Variants in C1QTNF3 observed in about 807,000 individuals in gnomAD.
C1QTNF3 encodes the protein complement C1q tumor necrosis factor-related protein 3.
In C1QTNF3, 26 loss-of-function variants were observed where a neutral mutation model predicts 32.6. The ratio of observed to expected loss-of-function variants is 0.80; its 90% CI spans 0.58 to 1.11. C1QTNF3 has a LOEUF of 1.11. Among genes scored for constraint, C1QTNF3 ranks in the 50% least tolerant of loss-of-function variants. The pLI is 0.00. For missense variants in C1QTNF3, 362 were observed against 398.2 expected (o/e 0.91, Z 0.77); for synonymous variants, 155 against 146.0 (o/e 1.06, Z -0.44).
chr5:34,220,442 A>C, the C1QTNF3 span, among the ~76,000 whole-genome samples: 2 of 151,856 alleles, frequency 1.3e-5, no homozygotes, highest in Middle Eastern at 3.4e-3. Context: ...AAGTCTTCCA[A>C]GTCTCTTCAT....
At chr5:34,223,740 T>C in the C1QTNF3 span, among the ~76,000 whole-genome samples, 1 of 152,070 alleles carries the variant, frequency 6.6e-6, no homozygotes, top group Non-Finnish European at 1.5e-5. Flanking sequence ...TATCTCATTG[T>C]GGTTTTGATT....
the C1QTNF3 span, among the ~76,000 whole-genome samples, chr5:34,111,228 AGCAGCAGGGTTATCTCCT>A: frequency 6.6e-6 from 1 of 151,946 alleles, no homozygotes; most frequent in Non-Finnish European, 1.5e-5. Flanking sequence ...AAATCTTTTG[AGCAGCAGGGTTATCTCCT>A]ACTGTGTAGG....
chr5:34,173,360 C>A, the C1QTNF3 span, among the ~76,000 whole-genome samples: 3 of 149,042 alleles, frequency 2.0e-5, no homozygotes, highest in Non-Finnish European at 3.0e-5. Flanking sequence ...ACTGAAATTA[C>A]AAATATACTA....
chr5:34,177,337 A>G, the C1QTNF3 span, among the ~76,000 whole-genome samples: 1 of 152,132 alleles, frequency 6.6e-6, no homozygotes, highest in Non-Finnish European at 1.5e-5. Flanking sequence ...TTTTGAAACA[A>G]GGTCTCACTC....
chr5:34,155,042 C>G, the C1QTNF3 span, among the ~76,000 whole-genome samples: 1 of 152,118 alleles, frequency 6.6e-6, no homozygotes, highest in African/African-American at 2.4e-5. Flanking sequence ...ACTATTTTCA[C>G]CTACCTACCG....
At chr5:34,167,149 A>T in the C1QTNF3 span, 1 of 152,084 alleles carries the variant, frequency 6.6e-6, no homozygotes, top group Admixed American at 6.6e-5. Context: ...CGTTGTAAGC[A>T]TTCTTTCCAA....
upstream of C1QTNF3, among the ~76,000 whole-genome samples, chr5:34,045,712 A>G (rs1362471218): frequency 1.3e-5 from 2 of 151,948 alleles, no homozygotes; most frequent in Non-Finnish European, 2.9e-5. Context: ...ACAGAGAAGG[A>G]TTCTGCAAAG....
the C1QTNF3 span, among the ~76,000 whole-genome samples, chr5:34,147,975 G>A: frequency 6.6e-6 from 1 of 152,142 alleles, no homozygotes; most frequent in African/African-American, 2.4e-5. Flanking sequence ...GTGCCAGACA[G>A]TGGGCGCAGG....
chr5:34,089,635 T>C, the C1QTNF3 span, among the ~76,000 whole-genome samples: 2 of 152,240 alleles, frequency 1.3e-5, no homozygotes, highest in Non-Finnish European at 2.9e-5. Flanking sequence ...ACCCAGTGTA[T>C]GGTATTTTTC....
the C1QTNF3 span, among the ~76,000 whole-genome samples, chr5:34,055,258 T>C: frequency 1.4e-4 from 22 of 152,336 alleles, no homozygotes; most frequent in Non-Finnish European, 2.4e-4. Context: ...ATTATCTGAT[T>C]GGCTAATTCT....
At chr5:34,045,878 T>C (rs1004437286), upstream of C1QTNF3, among the ~76,000 whole-genome samples, 3 of 152,254 alleles carry the variant, frequency 2.0e-5, no homozygotes, top group Non-Finnish European at 4.4e-5. Context: ...TTGGATTATG[T>C]ACCCCCAAAA....
chr5:34,050,091 A>G, the C1QTNF3 span, among the ~76,000 whole-genome samples: 2 of 152,228 alleles, frequency 1.3e-5, no homozygotes, highest in African/African-American at 4.8e-5. Flanking sequence ...GATTCTTGAG[A>G]CAATGGAAGA....
chr5:34,078,783 G>A, the C1QTNF3 span, among the ~76,000 whole-genome samples: 1 of 151,536 alleles, frequency 6.6e-6, no homozygotes, highest in Non-Finnish European at 1.5e-5. This position sits in a 1 kb window ranked among gnomAD's most constrained non-coding sequence, Gnocchi z 4.0. Context: ...TCCACCACCA[G>A]CTATCGCCAC....
At chr5:34,114,430 T>C in the C1QTNF3 span, among the ~76,000 whole-genome samples, 11 of 152,324 alleles carry the variant, frequency 7.2e-5, no homozygotes, top group East Asian at 1.7e-3. Context: ...TTCAGTCTCA[T>C]ATTTTGTTTC....
chr5:34,243,920 T>C, the C1QTNF3 span, among the ~76,000 whole-genome samples: 2 of 152,090 alleles, frequency 1.3e-5, no homozygotes, highest in African/African-American at 4.8e-5. Context: ...GCACTATCTG[T>C]GTCTGAAAAA....
the C1QTNF3 span, among the ~76,000 whole-genome samples, chr5:34,077,909 C>G: frequency 2.0e-5 from 3 of 151,612 alleles, no homozygotes; most frequent in Admixed American, 6.6e-5. Flanking sequence ...GAATGTGTTA[C>G]TCAGAAGGGG....
the C1QTNF3 span, among the ~76,000 whole-genome samples, chr5:34,159,845 C>A: frequency 1.1e-4 from 16 of 147,478 alleles, no homozygotes; most frequent in Admixed American, 6.7e-4. Flanking sequence ...AAAAAAAAAA[C>A]CGGAAGTATA....
At chr5:34,211,638 G>A in the C1QTNF3 span, among the ~76,000 whole-genome samples, 8 of 147,416 alleles carry the variant, frequency 5.4e-5, no homozygotes, top group Non-Finnish European at 7.4e-5. Context: ...GAGAACATCC[G>A]GTGTTTGGTT....
At chr5:34,213,810 T>TATATATATATATACATATATA in the C1QTNF3 span, among the ~76,000 whole-genome samples, 1 of 13,658 alleles carries the variant, frequency 7.3e-5, no homozygotes, top group African/African-American at 2.2e-4. Context: ...TATATATATA[T>TATATATATATATACATATATA]TTTTTTTTTT....
Sources: gnomAD v4.1 joint callset for allele counts (sites outside exome capture counted in the v4.1 genomes callset) on GRCh38, gnomAD v4.1.1 for gene constraint, Gnocchi (gnomAD v3.1) non-coding constraint, MANE v1.5 for transcripts, NCBI Gene and HGNC (gene_info 2026-07-23, HGNC 2026-07-21) for gene names.